Variants in PPP1R8 observed in about 807,000 individuals in gnomAD.
The protein encoded by PPP1R8 is protein phosphatase 1 regulatory subunit 8.
PPP1R8 carries 4 observed loss-of-function variants against 31.3 expected under a neutral mutation model. That is an observed-to-expected ratio of 0.13 (90% confidence interval 0.06 to 0.29). PPP1R8 has a LOEUF of 0.29. PPP1R8 is among the 10% of genes least tolerant of loss of function. The pLI is 1.00. For synonymous variants in PPP1R8, 170 were observed against 169.7 expected, an observed-to-expected ratio of 1.00 and a Z score of -0.01; for missense variants, 254 against 440.1, an observed-to-expected ratio of 0.58 and a Z score of 3.78.
chr1:27,836,660 C>G (rs1279856816), intron 2 of PPP1R8, among the ~76,000 whole-genome samples: 1 of 152,084 alleles, frequency 6.6e-6, no homozygotes, highest in South Asian at 2.1e-4. Context: ...CCTTGTGATC[C>G]GCCTGCCTCG....
intron 4 of PPP1R8, 90 bp downstream of exon 4, chr1:27,841,324 C>A: frequency 7.2e-7 from 1 of 1,385,028 alleles, no homozygotes; most frequent in Admixed American, 2.0e-5. Flanking sequence ...ATGCCAGTGA[C>A]TTAGCAGCAG....
chr1:27,837,576 C>T (rs1163719867), intron 2 of PPP1R8, among the ~76,000 whole-genome samples: 2 of 150,584 alleles, frequency 1.3e-5, no homozygotes, highest in African/African-American at 2.5e-5. Flanking sequence ...GTCAGGAGAA[C>T]GAAACCATCC....
intron 2 of PPP1R8, among the ~76,000 whole-genome samples, chr1:27,836,857 C>A (rs1005245321): frequency 6.6e-6 from 1 of 151,888 alleles, no homozygotes; most frequent in Non-Finnish European, 1.5e-5. Context: ...CATGGTGAAA[C>A]TTGTTTGTTT....
rs751213638 is a variant in PPP1R8 at position 27,841,135 on chromosome 1, G to C, written c.393G>C (p.Gln131His). The C allele has an allele frequency of 6.2e-7, 1 of 1,614,206 alleles. No individual in the cohort carries two copies. Among genetic ancestry groups the C allele is most frequent in the Non-Finnish European group, 8.5e-7 (1 of 1,180,046 alleles). ...CATACACTCTGCGCGAGAAGCCTCA[G>C]ACATTGCCATCGGCTGTGAAAGGAG... is the stretch of plus-strand genomic sequence containing the variant. Reference protein sequence around the residue: ...TRAYTLREKPQTLPSAVKGDE... With the variant: ...TRAYTLREKPHTLPSAVKGDE... Residue 131 changes from glutamine to histidine, a missense_variant, in exon 4 of 7, where the codon CAG becomes CAC. Around this residue, in one of 6 missense-constraint regions of PPP1R8, gnomAD observed 27 missense variants for 26.7 expected, o/e 1.01. Coordinates refer to ENST00000311772, the MANE Select transcript of PPP1R8 (RefSeq NM_014110.5).
intron 1 of PPP1R8, 50 bp from the exon 2 acceptor site, chr1:27,832,706 G>T (rs781026090): frequency 4.1e-6 from 6 of 1,480,580 alleles, no homozygotes; most frequent in Middle Eastern, 3.4e-4. Flanking sequence ...GTTGTAAATA[G>T]CATTTATAAA....
In PPP1R8 at chr1:27,851,219, T is replaced by C. The variant is rs1320506924; in HGVS notation, c.*773T>C. 8.0e-6 allele frequency: 2 copies of C among 250,852 alleles called. No individual in the cohort carries two copies. The highest frequency in any genetic ancestry group is 1.6e-5 in the Non-Finnish European group (2 of 124,816). 15.5% of individuals were successfully genotyped at this position (250,852 alleles called of 1,614,324 possible). A position where few individuals can be genotyped will look rare whatever the true frequency, so the allele number is the denominator to read the frequency against. On this transcript the variant is annotated 3_prime_UTR_variant, in exon 7 of 7. Transcript: ENST00000311772. ...TTTTAAGTGTATTATGAAGGCAGTT[T>C]TCAAAGGATATGACCAGTTGGGGTA... is the stretch of plus-strand genomic sequence containing the variant.
At chr1:27,831,366 G>A in intron 1 of PPP1R8, 4 of 987,956 alleles carry the variant, frequency 4.0e-6, no homozygotes, top group Non-Finnish European at 4.8e-6. Flanking sequence ...AGAATACGAG[G>A]GTAGGTTAGC....
intron 5 of PPP1R8, 113 bp from the exon 6 acceptor site, chr1:27,846,913 CTG>C (rs2089287032): frequency 1.1e-6 from 1 of 873,200 alleles, no homozygotes; most frequent in Non-Finnish European, 1.9e-6. Flanking sequence ...GAAGCACTCT[CTG>C]TGTTTTACAA....
rs980938396 is a variant in PPP1R8, at chr1:27,851,000, C to T, written c.*554C>T. The T allele has an allele frequency of 6.5e-6, 1 of 154,004 alleles. No homozygotes were observed. The highest frequency in any genetic ancestry group is 2.4e-5 in the African/African-American group (1 of 41,468). 9.5% of individuals were successfully genotyped at this position (154,004 alleles called of 1,614,324 possible). ...TGAGGTCCAGTAGCTAGGCTTTTCT[C>T]TTTTGTCCTTCCTGTTGGAATGAAA... On this transcript the variant is annotated 3_prime_UTR_variant, in exon 7 of 7. Transcript: ENST00000311772.
At chr1:27,840,427 G>A (rs1360070848) in intron 3 of PPP1R8, among the ~76,000 whole-genome samples, 1 of 152,174 alleles carries the variant, frequency 6.6e-6, no homozygotes, top group Non-Finnish European at 1.5e-5. Context: ...AAAATATTCA[G>A]AATCTATAGT....
intron 3 of PPP1R8, among the ~76,000 whole-genome samples, chr1:27,840,768 C>T (rs964127669): frequency 1.3e-5 from 2 of 152,106 alleles, no homozygotes; most frequent in African/African-American, 4.8e-5. Context: ...GAGGGAGTTT[C>T]CTTCTCACTG....
chr1:27,840,679 C>T (rs1472350439), intron 3 of PPP1R8, among the ~76,000 whole-genome samples: 1 of 152,080 alleles, frequency 6.6e-6, no homozygotes, highest in Non-Finnish European at 1.5e-5. Flanking sequence ...CAGCAGAGAA[C>T]GGTCAGTGGT....
At position 27,851,658 on chromosome 1, in the gene PPP1R8, C is replaced by A. The variant is rs751158386; in HGVS notation, c.*1212C>A. ...CCCCATTATATTACAAATAAAGATG[C>A]CCTAAATGAGTGTGGAAATTCTAAT... On this transcript the variant is annotated 3_prime_UTR_variant, in exon 7 of 7. Transcript: ENST00000311772. 1 of 473,962 alleles carries A rather than the reference C, an allele frequency of 2.1e-6. No homozygotes were observed. Among genetic ancestry groups the A allele is most frequent in the South Asian group, 1.5e-5 (1 of 65,696 alleles). The allele number at this position is 473,962 out of a possible 1,614,324, so 29.4% of individuals were successfully genotyped here. A position where few individuals can be genotyped will look rare whatever the true frequency, so the allele number is the denominator to read the frequency against.
At chr1:27,834,712 T>C (rs2089145536) in intron 2 of PPP1R8, 3 of 338,718 alleles carry the variant, frequency 8.9e-6, no homozygotes, top group Non-Finnish European at 1.2e-5. Context: ...TACTGTTTTC[T>C]GTTAAAATTC....
intron 4 of PPP1R8, among the ~76,000 whole-genome samples, chr1:27,842,132 G>A (rs2089227858): frequency 6.6e-6 from 1 of 152,182 alleles, no homozygotes; most frequent in Non-Finnish European, 1.5e-5. Flanking sequence ...CCTGAGGTCA[G>A]GAGTTCGAGA....
intron 2 of PPP1R8, among the ~76,000 whole-genome samples, chr1:27,834,010 A>G (rs183781737): frequency 6.6e-6 from 1 of 152,350 alleles, no homozygotes; most frequent in African/African-American, 2.4e-5. Context: ...TTTAGCTAAA[A>G]TATCTGTAAA....
intron 5 of PPP1R8, among the ~76,000 whole-genome samples, chr1:27,845,849 G>T (rs1168762223): frequency 1.4e-5 from 2 of 142,574 alleles, no homozygotes; most frequent in African/African-American, 5.5e-5. Context: ...GAGTGCAGTG[G>T]CGTGATCTCG....
chr1:27,846,277 C>T (rs927700315), intron 5 of PPP1R8, among the ~76,000 whole-genome samples: 1 of 152,198 alleles, frequency 6.6e-6, no homozygotes, highest in Admixed American at 6.5e-5. Flanking sequence ...GAGAAAACTC[C>T]ACCATCCTTG....
rs776284422 is a variant in PPP1R8 at position 27,851,626 on chromosome 1, G to T, written c.*1180G>T. Reference sequence around the variant, plus strand: ...ACAGTCACTGGGCTTGGGAGGCAATGCTCCATCCCCATTATATTACAAATA... The same window carrying T: ...ACAGTCACTGGGCTTGGGAGGCAATTCTCCATCCCCATTATATTACAAATA... On this transcript the variant is annotated 3_prime_UTR_variant, in exon 7 of 7. Transcript: ENST00000311772. 3.0e-5 allele frequency: 15 copies of T among 501,112 alleles called. No homozygotes were observed. Among genetic ancestry groups the T allele is most frequent in the African/African-American group, 2.1e-4 (11 of 51,836 alleles). 31.0% of individuals were successfully genotyped at this position (501,112 alleles called of 1,614,324 possible).
Sources: allele counts gnomAD v4.1 joint callset (sites outside exome capture counted in the v4.1 genomes callset), GRCh38; gene constraint gnomAD v4.1.1; regional missense constraint gnomAD v4.1.1; transcripts MANE v1.5; gene names NCBI Gene and HGNC (gene_info 2026-07-23, HGNC 2026-07-21).